CLVS1: variants seen among roughly 807,000 people sequenced by gnomAD.
The protein encoded by CLVS1 is clavesin 1.
CLVS1 carries 10 observed loss-of-function variants against 33.1 expected under a neutral mutation model. The ratio of observed to expected loss-of-function variants is 0.30; its 90% CI spans 0.19 to 0.51. The LOEUF (loss-of-function observed/expected upper bound fraction) is 0.51, where lower values mean the gene tolerates loss of function less well. CLVS1 is among the 20% of genes least tolerant of loss of function. CLVS1 has a pLI of 0.97. For synonymous variants in CLVS1, 163 were observed against 166.1 expected (o/e 0.98, Z 0.14); for missense variants, 343 against 433.4 (o/e 0.79, Z 1.85).
intron 2 of CLVS1, among the ~76,000 whole-genome samples, chr8:61,185,444 A>C (rs1421823058): frequency 6.6e-6 from 1 of 151,194 alleles, no homozygotes; most frequent in African/African-American, 2.4e-5. Context: ...ATGAACCACC[A>C]CTCTCAGTTA....
At chr8:61,252,283 T>C (rs1432647560) in intron 2 of CLVS1, among the ~76,000 whole-genome samples, 1 of 152,130 alleles carries the variant, frequency 6.6e-6, no homozygotes, top group Non-Finnish European at 1.5e-5. Context: ...TCTGAGAGAC[T>C]GTTTGTTATG....
At chr8:61,383,082 G>T (rs966995546) in intron 3 of CLVS1, among the ~76,000 whole-genome samples, 1 of 152,112 alleles carries the variant, frequency 6.6e-6, no homozygotes, top group Admixed American at 6.5e-5. Flanking sequence ...ACTCTCAATT[G>T]CCCCAGCGCT....
At chr8:61,120,681 G>A (rs1458372817) in intron 1 of CLVS1, among the ~76,000 whole-genome samples, 1 of 138,776 alleles carries the variant, frequency 7.2e-6, no homozygotes, top group African/African-American at 2.8e-5. Context: ...CAGTTAGGCT[G>A]CTCAGGGGTC....
intron 2 of CLVS1, among the ~76,000 whole-genome samples, chr8:61,344,894 G>GA (rs752960582): frequency 2.9e-3 from 394 of 135,156 alleles, no homozygotes; most frequent in South Asian, 6.7e-3. Flanking sequence ...GGACTGGCCA[G>GA]AAAAAAAAAA....
chr8:60,996,213 T>C, the CLVS1 span, among the ~76,000 whole-genome samples: 18 of 152,216 alleles, frequency 1.2e-4, no homozygotes, highest in Admixed American at 1.2e-3. Flanking sequence ...AAAAATCTAT[T>C]TGGTAAATCT....
intron 2 of CLVS1, among the ~76,000 whole-genome samples, chr8:61,208,328 A>G (rs1167533416): frequency 6.6e-6 from 1 of 152,228 alleles, no homozygotes; most frequent in Non-Finnish European, 1.5e-5. Context: ...GGAGCAAGGT[A>G]TCCAGATGAT....
At chr8:61,201,798 T>C (rs1392944829) in intron 2 of CLVS1, among the ~76,000 whole-genome samples, 1 of 152,174 alleles carries the variant, frequency 6.6e-6, no homozygotes, top group African/African-American at 2.4e-5. Flanking sequence ...CCCACTGCCG[T>C]AAAGAAATAG....
At chr8:61,490,267 G>A (rs1225424664) in intron 5 of CLVS1, among the ~76,000 whole-genome samples, 2 of 149,998 alleles carry the variant, frequency 1.3e-5, no homozygotes, top group East Asian at 2.0e-4. Context: ...AGGTTGCAGT[G>A]AGCCAAGATT....
chr8:61,189,543 G>A (rs1002716059), intron 2 of CLVS1, among the ~76,000 whole-genome samples: 1 of 152,140 alleles, frequency 6.6e-6, no homozygotes, highest in African/African-American at 2.4e-5. Flanking sequence ...AAATGTAAAT[G>A]GACTAAATGC....
chr8:61,329,234 C>A (rs1267374121), intron 2 of CLVS1, among the ~76,000 whole-genome samples: 1 of 147,560 alleles, frequency 6.8e-6, no homozygotes, highest in East Asian at 2.0e-4. Context: ...TCTCTCATCT[C>A]CTTGCTCATG....
At chr8:60,971,615 G>C in the CLVS1 span, among the ~76,000 whole-genome samples, 2 of 152,216 alleles carry the variant, frequency 1.3e-5, no homozygotes, top group African/African-American at 2.4e-5. Context: ...TATTGGCATG[G>C]GGGTTGCCTG....
intron 2 of CLVS1, among the ~76,000 whole-genome samples, chr8:61,346,538 A>G (rs944821697): frequency 3.3e-5 from 5 of 152,162 alleles, no homozygotes; most frequent in African/African-American, 1.2e-4. Context: ...GACCTTTTAC[A>G]TGTATCTAAT....
the CLVS1 span, among the ~76,000 whole-genome samples, chr8:60,991,744 C>CT: frequency 0.14 from 16,603 of 118,920 alleles, 1,487 homozygotes; most frequent in Non-Finnish European, 0.18. Context: ...AAGCCCCACT[C>CT]TTTTTTTTTT....
intron 1 of CLVS1, among the ~76,000 whole-genome samples, chr8:61,091,068 G>T (rs2882219): frequency 6.6e-6 from 1 of 152,158 alleles, no homozygotes; most frequent in South Asian, 2.1e-4. Context: ...CTTTGCAGAC[G>T]TGATTAAATT....
chr8:61,446,929 T>C (rs1301573261), intron 3 of CLVS1, among the ~76,000 whole-genome samples: 2 of 152,116 alleles, frequency 1.3e-5, no homozygotes, highest in Admixed American at 1.3e-4. Context: ...ATTTCTAGTT[T>C]GATTCCATTA....
chr8:61,112,326 C>T lies in CLVS1; in HGVS notation c.-242-19444C>T, dbSNP rs151089057. Among the ~76,000 whole-genome samples the T allele has an allele frequency of 2.2e-3, 334 of 152,100 alleles. 2 individuals are homozygous for T. Among genetic ancestry groups the T allele is most frequent in the African/African-American group, 6.0e-3 (251 of 41,492 alleles). ...ATGGTGTATTAGTCTCACTAATGTA[C>T]GCTACATTAAATTTGCTGACATTTA... On this transcript the variant is annotated intron_variant, in intron 1 of 2. Transcript: ENST00000522621.
the CLVS1 span, among the ~76,000 whole-genome samples, chr8:60,991,568 A>G: frequency 9.2e-5 from 14 of 152,156 alleles, no homozygotes; most frequent in Admixed American, 1.3e-4. Flanking sequence ...CAGGACGGCC[A>G]CAGTCTGCTT....
chr8:61,312,746 A>T (rs903578066), intron 2 of CLVS1, among the ~76,000 whole-genome samples: 13 of 152,158 alleles, frequency 8.5e-5, no homozygotes, highest in African/African-American at 2.7e-4. Flanking sequence ...CTCATTTTAA[A>T]TACAGGGTAT....
chr8:61,166,546 CTT>C (rs3056180), intron 2 of CLVS1, among the ~76,000 whole-genome samples: 27,832 of 151,280 alleles, frequency 0.18, 3,891 homozygotes, highest in African/African-American at 0.39. Flanking sequence ...GTAATAAAAG[CTT>C]TTTTTTTTGT....
Sources: gnomAD v4.1 joint callset for allele counts (sites outside exome capture counted in the v4.1 genomes callset) on GRCh38, gnomAD v4.1.1 for gene constraint, MANE v1.5 for transcripts, NCBI Gene and HGNC (gene_info 2026-07-23, HGNC 2026-07-21) for gene names.